Variants in KAT2B observed in about 807,000 individuals in gnomAD.
The protein encoded by KAT2B is lysine acetyltransferase 2B.
Under a neutral mutation model 105.9 loss-of-function variants are expected in KAT2B, and 36 were observed. That is an observed-to-expected ratio of 0.34 (90% CI 0.26 to 0.45). The LOEUF is 0.45. Among genes scored for constraint, KAT2B ranks in the 20% least tolerant of loss-of-function variants. The pLI, the probability that KAT2B is intolerant of heterozygous loss-of-function variation, is 1.00. For synonymous variants in KAT2B, 397 were observed against 377.9 expected (o/e 1.05, Z -0.59); for missense variants, 820 against 1,021.6 (o/e 0.80, Z 2.69).
chr3:20,065,424 A>G (rs1317021290), intron 1 of KAT2B, among the ~76,000 whole-genome samples: 1 of 152,142 alleles, frequency 6.6e-6, no homozygotes, highest in African/African-American at 2.4e-5. Flanking sequence ...AGGTGTTTTG[A>G]AAGGAGACCT....
intron 2 of KAT2B, among the ~76,000 whole-genome samples, chr3:20,085,116 A>C (rs1231244737): frequency 6.6e-6 from 1 of 152,184 alleles, no homozygotes; most frequent in African/African-American, 2.4e-5. Flanking sequence ...TTGGGAGGCC[A>C]AGGTGGGAGG....
intron 13 of KAT2B, among the ~76,000 whole-genome samples, chr3:20,144,805 T>C (rs6808694): frequency 0.32 from 49,065 of 151,204 alleles, 8,872 homozygotes; most frequent in East Asian, 0.72. Flanking sequence ...TTTTTCTTTT[T>C]TTTTTTTTAA....
At position 20,140,137 on chromosome 3, in the gene KAT2B, C is replaced by T. The variant is rs1305095655; in HGVS notation, c.1861-84C>T. On this transcript the variant is annotated intron_variant, in intron 12 of 17. Coordinates refer to ENST00000263754, the MANE Select transcript of KAT2B (RefSeq NM_003884.5). ...ACTTCAAAGAAGCTTGTCTTGATTC[C>T]TCACACAGTGCCTGGAACATAGTTA... 3.4e-6 allele frequency: 3 copies of T among 885,830 alleles called. No individual in the cohort carries two copies. The East Asian group carries it at 7.4e-5, about 22-fold the overall frequency. 54.9% of individuals were successfully genotyped at this position (885,830 alleles called of 1,614,324 possible).
intron 11 of KAT2B, among the ~76,000 whole-genome samples, chr3:20,133,178 C>T (rs1177866529): frequency 6.6e-6 from 1 of 152,138 alleles, no homozygotes; most frequent in African/African-American, 2.4e-5. Context: ...GGTATTGACA[C>T]ATATATTGGA....
chr3:20,071,618 C>T (rs978466814), intron 1 of KAT2B, among the ~76,000 whole-genome samples: 8 of 152,198 alleles, frequency 5.3e-5, no homozygotes, highest in African/African-American at 1.9e-4. Context: ...ATCATGTTCA[C>T]TCTTGGCTAC....
chr3:20,088,953 C>T (rs1312005931), intron 2 of KAT2B, among the ~76,000 whole-genome samples: 1 of 152,256 alleles, frequency 6.6e-6, no homozygotes, highest in Admixed American at 6.5e-5. Context: ...CATTCTTTTG[C>T]ATGTGGATAT....
At chr3:20,076,843 T>C (rs896424586) in intron 2 of KAT2B, among the ~76,000 whole-genome samples, 2 of 152,244 alleles carry the variant, frequency 1.3e-5, no homozygotes, top group African/African-American at 4.8e-5. Context: ...ATTGTTGTTC[T>C]GTTTTCACAT....
In KAT2B at chr3:20,062,197, ATATTTTATATAAAATATATT is replaced by A. The variant is rs1383397507; in HGVS notation, c.304-10135_304-10116del. On this transcript the variant is annotated intron_variant, in intron 1 of 17. Transcript: ENST00000263754. ...ATAATATATAATATATAAAATATAT[ATATTTTATATAAAATATATT>A]ATATATAAAAATATATATAAAATAT... Among the ~76,000 whole-genome samples the A allele has an allele frequency of 7.2e-4, 29 of 40,046 alleles. 1 individual carries two copies. Among genetic ancestry groups the A allele is most frequent in the African/African-American group, 1.4e-3 (16 of 11,298 alleles). 26.3% of individuals were successfully genotyped at this position (40,046 alleles called of 152,430 possible).
At chr3:20,111,356 G>C (rs891340398) in intron 5 of KAT2B, among the ~76,000 whole-genome samples, 1 of 152,156 alleles carries the variant, frequency 6.6e-6, no homozygotes, top group African/African-American at 2.4e-5. Flanking sequence ...TTTCATTCCA[G>C]GACTCACTGT....
chr3:20,142,885 C>CTGTGTGTG (rs55845090), intron 13 of KAT2B, among the ~76,000 whole-genome samples: 1 of 139,712 alleles, frequency 7.2e-6, no homozygotes, highest in Non-Finnish European at 1.6e-5. Context: ...ATCTATGTGC[C>CTGTGTGTG]TGTGTGTGTG....
At chr3:20,071,408 G>A (rs1042500285) in intron 1 of KAT2B, among the ~76,000 whole-genome samples, 1 of 152,208 alleles carries the variant, frequency 6.6e-6, no homozygotes, top group African/African-American at 2.4e-5. Flanking sequence ...GAGTGACAGA[G>A]TGCTAAGAAT....
chr3:20,094,350 A>G (rs759230001), intron 2 of KAT2B, among the ~76,000 whole-genome samples: 24 of 152,134 alleles, frequency 1.6e-4, no homozygotes, highest in Non-Finnish European at 3.1e-4. Context: ...CATGGGGGAA[A>G]CTGCCTCCAT....
chr3:20,085,447 T>A (rs185354991), intron 2 of KAT2B, among the ~76,000 whole-genome samples: 30 of 152,216 alleles, frequency 2.0e-4, no homozygotes, highest in Non-Finnish European at 3.5e-4. Flanking sequence ...AAACAGCAAA[T>A]AATATATTTA....
chr3:20,144,983 A>G (rs1339161399), intron 13 of KAT2B, among the ~76,000 whole-genome samples: 6 of 150,682 alleles, frequency 4.0e-5, no homozygotes, highest in Non-Finnish European at 4.4e-5. Flanking sequence ...TTTTAGTAGA[A>G]ATGGGGTTTC....
chr3:20,122,776 C>T lies in KAT2B; in HGVS notation c.1385C>T (p.Thr462Met), dbSNP rs144875299. The change falls in exon 9 of 18, where the codon ACG (threonine) becomes ATG (methionine). Residue 462 changes from threonine (T) to methionine (M), a missense_variant. Physicochemically the swap from Thr to Met is moderately conservative, Grantham distance 81. Transcript: ENST00000263754. Reference protein sequence around the residue: ...ELINEVMSTITDPAAMLGPET... With the variant: ...ELINEVMSTIMDPAAMLGPET... ...ATCAACGAGGTTATGTCTACCATCACGGACCCTGCAGCAATGCTTGGACCA... is the reference window on the plus strand; with the variant it reads ...ATCAACGAGGTTATGTCTACCATCATGGACCCTGCAGCAATGCTTGGACCA... The T allele has an allele frequency of 1.4e-5, 23 of 1,613,760 alleles. No individual in the cohort carries two copies. The highest frequency in any genetic ancestry group is 6.7e-5 in the African/African-American group (5 of 74,918).
intron 5 of KAT2B, among the ~76,000 whole-genome samples, chr3:20,106,192 A>C (rs1249023350): frequency 6.6e-6 from 1 of 152,230 alleles, no homozygotes; most frequent in African/African-American, 2.4e-5. Flanking sequence ...CATGATGTGA[A>C]AAATCTGGGA....
intron 2 of KAT2B, 128 bp downstream of exon 2, chr3:20,072,587 C>A: frequency 1.2e-6 from 1 of 834,642 alleles, no homozygotes; most frequent in Non-Finnish European, 1.9e-6. Context: ...ACAACAAGAG[C>A]CTCTCTAGTC....
intron 2 of KAT2B, among the ~76,000 whole-genome samples, chr3:20,093,305 A>G (rs760656281): frequency 6.6e-5 from 10 of 152,180 alleles, no homozygotes; most frequent in Non-Finnish European, 1.0e-4. Flanking sequence ...AATAATTGGG[A>G]GCTGGTGTAG....
intron 2 of KAT2B, among the ~76,000 whole-genome samples, chr3:20,081,584 G>A (rs1698519665): frequency 6.6e-6 from 1 of 152,062 alleles, no homozygotes; most frequent in Non-Finnish European, 1.5e-5. Context: ...GACACTGGGG[G>A]AACTGTGGCC....
Sources: gnomAD v4.1 joint callset for allele counts (sites outside exome capture counted in the v4.1 genomes callset) on GRCh38, gnomAD v4.1.1 for gene constraint, MANE v1.5 for transcripts, NCBI Gene and HGNC (gene_info 2026-07-23, HGNC 2026-07-21) for gene names.